FANK1: variants seen among roughly 807,000 people sequenced by gnomAD.
The protein encoded by FANK1 is fibronectin type 3 and ankyrin repeat domains protein 1.
Under a neutral mutation model 45.3 loss-of-function variants are expected in FANK1, and 44 were observed. That is an observed-to-expected ratio of 0.97 (90% CI 0.76 to 1.25). The LOEUF is 1.25. Ranked by LOEUF, FANK1 falls within the 50% of genes most tolerant of loss-of-function variation. The pLI is 0.00. For synonymous variants in FANK1, 149 were observed against 152.5 expected, an observed-to-expected ratio of 0.98 and a Z score of 0.17; for missense variants, 391 against 424.4, an observed-to-expected ratio of 0.92 and a Z score of 0.69.
At chr10:125,977,261 CTTCTT>C (rs1440558943) in intron 1 of FANK1, among the ~76,000 whole-genome samples, 1 of 152,170 alleles carries the variant, frequency 6.6e-6, no homozygotes, top group Non-Finnish European at 1.5e-5. Context: ...GGTCAACAGA[CTTCTT>C]TTCTGGATGT....
intron 1 of FANK1, among the ~76,000 whole-genome samples, chr10:125,942,941 G>A (rs1357399415): frequency 6.6e-6 from 1 of 151,508 alleles, no homozygotes; most frequent in Non-Finnish European, 1.5e-5. Flanking sequence ...AGCCTCCTGA[G>A]TAGCTGGGAT....
At chr10:125,981,496 CAAAAAAA>C in intron 2 of FANK1, among the ~76,000 whole-genome samples, 1 of 117,322 alleles carries the variant, frequency 8.5e-6, no homozygotes, top group East Asian at 2.4e-4. Context: ...GACCCTGTCT[CAAAAAAA>C]AAAAAAAAAA....
chr10:126,009,150 A>G lies in FANK1; in HGVS notation c.927+19A>G. 1 of 1,614,192 alleles carries G rather than the reference A, an allele frequency of 6.2e-7. No homozygotes were observed. The highest frequency in any genetic ancestry group is 8.5e-7 in the Non-Finnish European group (1 of 1,180,018). On this transcript the variant is annotated intron_variant, in intron 9 of 10. Coordinates refer to ENST00000368693, the MANE Select transcript of FANK1 (RefSeq NM_145235.5). ...AAATGAGGTAAATGAGTCCATCTTT[A>G]TGTAAAGATTTTCCTCGGAGGGGGA...
At chr10:125,989,199 G>A in intron 3 of FANK1, 1 of 1,300,194 alleles carries the variant, frequency 7.7e-7, no homozygotes, top group Non-Finnish European at 1.1e-6. Context: ...GGAGACCTCT[G>A]AGCCCTTCAG....
In FANK1 at chr10:125,897,998, C is replaced by CAAAAAAAAAAAAA. The variant is rs373550249; in HGVS notation, c.13+1367_13+1379dup. 4.8e-4 allele frequency among the ~76,000 whole-genome samples: 8 copies of CAAAAAAAAAAAAA among 16,792 alleles called. 3 individuals carry two copies. Among genetic ancestry groups the CAAAAAAAAAAAAA allele is most frequent in the South Asian group, 3.3e-3 (1 of 304 alleles). 11.0% of individuals were successfully genotyped at this position (16,792 alleles called of 152,430 possible). ...AGTGAAACCCATCTCTACTAAAATA[C>CAAAAAAAAAAAAA]AAAAAAAAAAAAAAAAAAAAAAAAA... On this transcript the variant is annotated intron_variant, in intron 1 of 10. Coordinates refer to ENST00000368693, the MANE Select transcript of FANK1 (RefSeq NM_145235.5).
chr10:125,987,102 T>C (rs73370548), intron 2 of FANK1, among the ~76,000 whole-genome samples: 2,526 of 152,230 alleles, frequency 0.017, 74 homozygotes, highest in African/African-American at 0.055. Context: ...CCTTGCTCAG[T>C]TGTCCCTTCT....
At chr10:125,989,464 G>A (rs1488018883) in intron 3 of FANK1, 7 of 1,021,574 alleles carry the variant, frequency 6.9e-6, no homozygotes, top group Non-Finnish European at 1.1e-5. Flanking sequence ...GCTTTCCATG[G>A]CTTTCAACTG....
At chr10:125,985,226 C>G (rs1356004460) in intron 2 of FANK1, among the ~76,000 whole-genome samples, 1 of 152,192 alleles carries the variant, frequency 6.6e-6, no homozygotes, top group Non-Finnish European at 1.5e-5. Flanking sequence ...TATGCTAAGT[C>G]TTTGACACCT....
chr10:125,931,932 C>A (rs1947778752), intron 1 of FANK1, among the ~76,000 whole-genome samples: 4 of 152,132 alleles, frequency 2.6e-5, no homozygotes, highest in African/African-American at 9.7e-5. Flanking sequence ...TGTGCATAAC[C>A]AATTAGCCCA....
chr10:125,909,657 G>A (rs4615938), intron 1 of FANK1, among the ~76,000 whole-genome samples: 55,739 of 147,488 alleles, frequency 0.38, 10,962 homozygotes, highest in Non-Finnish European at 0.44. Context: ...TAGCTGGGAC[G>A]ACAGGTGTGC....
chr10:125,983,851 T>C lies in FANK1; in HGVS notation c.191+3513T>C, dbSNP rs1951379211. Among the ~76,000 whole-genome samples the C allele has an allele frequency of 6.6e-6, 1 of 152,114 alleles. No individual in the cohort carries two copies. Among genetic ancestry groups the C allele is most frequent in the South Asian group, 2.1e-4 (1 of 4,828 alleles). The stretch of plus-strand genomic sequence containing the variant: ...CTGAGAAGAGGTGTGATCCGGCTTA[T>C]GTTTTACGAGGATCCCTCTGGCTGC... On this transcript the variant is annotated intron_variant, in intron 2 of 10. Transcript: ENST00000368693. This position sits in a 1 kb window ranked among gnomAD's most constrained non-coding sequence, Gnocchi z 4.3.
chr10:125,993,268 A>C (rs1033880578), intron 3 of FANK1, among the ~76,000 whole-genome samples: 3 of 152,166 alleles, frequency 2.0e-5, no homozygotes, highest in Admixed American at 6.5e-5. Context: ...GTGAAGTTTC[A>C]GATTAGGAAA....
chr10:125,945,203 T>C (rs1948698592), intron 1 of FANK1, among the ~76,000 whole-genome samples: 1 of 152,114 alleles, frequency 6.6e-6, no homozygotes, highest in Non-Finnish European at 1.5e-5. Context: ...CATGTGTGTC[T>C]TGTTAAAAAA....
Position 125,995,445 on chromosome 10 carries a change from C to T in FANK1, c.345C>T (p.His115=), listed in dbSNP as rs753777352. The T allele has an allele frequency of 6.2e-7, 1 of 1,614,142 alleles. No homozygotes were observed. Among genetic ancestry groups the T allele is most frequent in the Non-Finnish European group, 8.5e-7 (1 of 1,180,014 alleles). ...AGCCCATAAGTAGTGAGCACTTGCA[C>T]CGGGCTGTCAGTGTGAATGATGAAG... ...TREPISSEHL[H]RAVSVNDEDL... Residue 115 remains histidine (H), a synonymous_variant, in exon 4 of 11, where the codon CAC becomes CAT. Transcript: ENST00000368693.
chr10:125,927,846 C>G (rs1947471521), intron 1 of FANK1, among the ~76,000 whole-genome samples: 1 of 152,168 alleles, frequency 6.6e-6, no homozygotes, highest in Admixed American at 6.5e-5. Flanking sequence ...GTGCCCGGCC[C>G]TAAACTTTCT....
chr10:125,960,013 T>C (rs1326442189), intron 1 of FANK1, among the ~76,000 whole-genome samples: 1 of 152,200 alleles, frequency 6.6e-6, no homozygotes, highest in Non-Finnish European at 1.5e-5. Context: ...CTTCTCCCAG[T>C]TTCCTCAGTT....
At chr10:125,939,547 T>C (rs1449831176) in intron 1 of FANK1, among the ~76,000 whole-genome samples, 1 of 152,196 alleles carries the variant, frequency 6.6e-6, no homozygotes, top group Non-Finnish European at 1.5e-5. Flanking sequence ...TTTCTGTAGG[T>C]ATAGAATTTT....
chr10:125,927,717 A>G (rs1947460186), intron 1 of FANK1, among the ~76,000 whole-genome samples: 1 of 137,626 alleles, frequency 7.3e-6, no homozygotes, highest in Non-Finnish European at 1.6e-5. Context: ...CGCTTGGCTA[A>G]TTTTTTTTAG....
At chr10:125,981,547 C>G (rs1022019874) in intron 2 of FANK1, among the ~76,000 whole-genome samples, 5 of 151,068 alleles carry the variant, frequency 3.3e-5, no homozygotes, top group African/African-American at 1.2e-4. Flanking sequence ...TTCATATCAT[C>G]TCTGACTTAT....
Sources: gnomAD v4.1 joint callset for allele counts (sites outside exome capture counted in the v4.1 genomes callset) on GRCh38, gnomAD v4.1.1 for gene constraint, Gnocchi (gnomAD v3.1) non-coding constraint, MANE v1.5 for transcripts, NCBI Gene and HGNC (gene_info 2026-07-23, HGNC 2026-07-21) for gene names.